ATRNL1: variants seen among roughly 807,000 people sequenced by gnomAD.
The protein encoded by ATRNL1 is attractin-like protein 1.
ATRNL1 carries 95 observed loss-of-function variants against 182.7 expected under a neutral mutation model. The observed-to-expected ratio is 0.52, with a 90% confidence interval of 0.44 to 0.62. ATRNL1 has a LOEUF of 0.62. ATRNL1 is among the 20% of genes least tolerant of loss of function. The pLI is 0.00. For missense variants in ATRNL1, 1,471 were observed against 1,679.5 expected (o/e 0.88, Z 2.17); for synonymous variants, 576 against 568.3 (o/e 1.01, Z -0.19).
intron 5 of ATRNL1, among the ~76,000 whole-genome samples, chr10:115,139,602 AGTTACCTCC>A (rs1845672894): frequency 6.6e-6 from 1 of 152,200 alleles, no homozygotes; most frequent in Non-Finnish European, 1.5e-5. Context: ...CCCATGTTTC[AGTTACCTCC>A]TACTGGGTCC....
At chr10:115,756,314 T>A (rs1948589998) in intron 27 of ATRNL1, among the ~76,000 whole-genome samples, 1 of 152,202 alleles carries the variant, frequency 6.6e-6, no homozygotes, top group Admixed American at 6.5e-5. Context: ...GCTATAAATT[T>A]CCCTCTCCAC....
intron 21 of ATRNL1, among the ~76,000 whole-genome samples, chr10:115,430,668 A>G (rs1476172187): frequency 6.6e-6 from 1 of 152,142 alleles, no homozygotes; most frequent in East Asian, 1.9e-4. Context: ...TCCACAAAAC[A>G]TTTGTTAACT....
At chr10:115,824,469 A>G (rs1334177171) in intron 27 of ATRNL1, among the ~76,000 whole-genome samples, 1 of 152,184 alleles carries the variant, frequency 6.6e-6, no homozygotes, top group Admixed American at 6.5e-5. Flanking sequence ...AGCAAAGGAA[A>G]CTATCATCAG....
At chr10:115,343,961 C>T (rs979476993) in intron 19 of ATRNL1, among the ~76,000 whole-genome samples, 7 of 152,164 alleles carry the variant, frequency 4.6e-5, no homozygotes, top group African/African-American at 1.7e-4. Flanking sequence ...GTTCTCTTAC[C>T]TTATTTTCTC....
chr10:115,770,733 G>T (rs1023409116), intron 27 of ATRNL1, among the ~76,000 whole-genome samples: 2 of 152,002 alleles, frequency 1.3e-5, no homozygotes, highest in Non-Finnish European at 2.9e-5. Flanking sequence ...ATACTTCAAG[G>T]TCTTTCTGGT....
At chr10:115,907,531 AATTTAATAGCTACAAC>A (rs1952541037) in intron 28 of ATRNL1, among the ~76,000 whole-genome samples, 3 of 152,186 alleles carry the variant, frequency 2.0e-5, no homozygotes, top group Admixed American at 2.0e-4. Context: ...GAAATCCCTT[AATTTAATAGCTACAAC>A]ATGTAATATA....
At chr10:115,924,593 G>T (rs975679022) in intron 28 of ATRNL1, among the ~76,000 whole-genome samples, 15 of 152,064 alleles carry the variant, frequency 9.9e-5, no homozygotes, top group Admixed American at 9.8e-4. Context: ...TCTCTGTTCT[G>T]TTCTATTGGT....
At chr10:115,806,468 C>T (rs78893895) in intron 27 of ATRNL1, among the ~76,000 whole-genome samples, 1,576 of 152,002 alleles carry the variant, frequency 0.01, 34 homozygotes, top group African/African-American at 0.036. Context: ...AGGGGGTGGC[C>T]GGCAAGAATA....
chr10:115,203,479 T>C (rs1352894632), intron 8 of ATRNL1, among the ~76,000 whole-genome samples: 2 of 152,122 alleles, frequency 1.3e-5, no homozygotes, highest in Non-Finnish European at 2.9e-5. Context: ...TGGTCATTTC[T>C]TGGTACATGA....
intron 26 of ATRNL1, among the ~76,000 whole-genome samples, chr10:115,587,492 G>A (rs1457901138): frequency 1.3e-3 from 195 of 151,824 alleles, no homozygotes; most frequent in African/African-American, 4.2e-3. Context: ...TCGGAAAAGC[G>A]CAGTATTCAG....
intron 21 of ATRNL1, among the ~76,000 whole-genome samples, chr10:115,458,119 A>T: frequency 6.6e-6 from 1 of 152,146 alleles, no homozygotes; most frequent in East Asian, 1.9e-4. Flanking sequence ...TAAACTAGAG[A>T]CATGTTTTAA....
At chr10:115,827,857 G>T (rs188333791) in intron 27 of ATRNL1, among the ~76,000 whole-genome samples, 108 of 152,254 alleles carry the variant, frequency 7.1e-4, no homozygotes, top group African/African-American at 2.3e-3. Context: ...CATGGCTAAA[G>T]AATGTTTCCG....
Position 115,870,680 on chromosome 10 carries a change from T to C in ATRNL1, c.4018+22689T>C, listed in dbSNP as rs574875796. ...TGATAATATCGTGCATATCTTTATA[T>C]ATCAATCAAGGTTTTATGAAACGCA... On this transcript the variant is annotated intron_variant, in intron 28 of 28. Transcript: ENST00000355044. 3.3e-5 allele frequency among the ~76,000 whole-genome samples: 5 copies of C among 152,322 alleles called. No individual in the cohort carries two copies. In the South Asian group the frequency reaches 1.0e-3, roughly 32 times the overall value.
At chr10:115,235,045 A>G (rs1554901058) in intron 9 of ATRNL1, among the ~76,000 whole-genome samples, 2 of 151,994 alleles carry the variant, frequency 1.3e-5, no homozygotes, top group African/African-American at 4.8e-5. Context: ...TTTAGTTGTC[A>G]TGTCTTTTTA....
intron 28 of ATRNL1, among the ~76,000 whole-genome samples, chr10:115,901,909 G>A (rs984942041): frequency 3.3e-5 from 5 of 152,080 alleles, no homozygotes; most frequent in African/African-American, 7.2e-5. Flanking sequence ...TGGAAACAGC[G>A]GCTGTCCAGT....
intron 27 of ATRNL1, among the ~76,000 whole-genome samples, chr10:115,843,582 C>T (rs1555097889): frequency 6.6e-6 from 1 of 151,972 alleles, no homozygotes; most frequent in East Asian, 1.9e-4. Flanking sequence ...GTGAAGAAGG[C>T]ACAGATGATT....
chr10:115,601,680 C>A (rs1856600302), intron 26 of ATRNL1, among the ~76,000 whole-genome samples: 1 of 152,104 alleles, frequency 6.6e-6, no homozygotes, highest in African/African-American at 2.4e-5. Context: ...TTAATGGAGC[C>A]AACTAGCTTT....
At chr10:115,388,596 C>T (rs952077666) in intron 19 of ATRNL1, among the ~76,000 whole-genome samples, 2 of 151,738 alleles carry the variant, frequency 1.3e-5, no homozygotes, top group Non-Finnish European at 2.9e-5. Flanking sequence ...ATAAGTTAAG[C>T]CTATTCATCT....
intron 26 of ATRNL1, among the ~76,000 whole-genome samples, chr10:115,720,037 T>C (rs1009516903): frequency 6.7e-4 from 101 of 150,420 alleles, no homozygotes; most frequent in African/African-American, 2.3e-3. Flanking sequence ...ATTTTTTGTA[T>C]TTTTTAGTAG....
Sources: allele counts gnomAD v4.1 joint callset (sites outside exome capture counted in the v4.1 genomes callset), GRCh38; gene constraint gnomAD v4.1.1; transcripts MANE v1.5; gene names NCBI Gene and HGNC (gene_info 2026-07-23, HGNC 2026-07-21).